ROGDI: variants seen among roughly 807,000 people sequenced by gnomAD.
The protein encoded by ROGDI is protein rogdi homolog.
A neutral mutation model predicts 43.1 loss-of-function variants in ROGDI; 46 were observed. The observed-to-expected ratio is 1.07, with a 90% CI of 0.84 to 1.37. The LOEUF (loss-of-function observed/expected upper bound fraction) is 1.37. Among genes scored for constraint, ROGDI ranks in the 40% most tolerant of loss-of-function variants. The pLI is 0.00. For missense variants in ROGDI, 518 were observed against 383.9 expected, an observed-to-expected ratio of 1.35 and a Z score of -2.92; for synonymous variants, 243 against 162.0, an observed-to-expected ratio of 1.50 and a Z score of -3.80.
Position 4,799,784 on chromosome 16 carries a change from G to A in ROGDI, c.337-3C>T, listed in dbSNP as rs760043159. 1.2e-6 allele frequency: 2 copies of A among 1,610,564 alleles called. No homozygotes were observed. Among genetic ancestry groups the A allele is most frequent in the Admixed American group, 3.3e-5 (2 of 59,898 alleles). ...ACATGGTTTCTGGCATCCTGGATCT[G>A]GAAGCAGGGGTCATCCAGAGGGGTC... On this transcript the variant is annotated splice_polypyrimidine_tract_variant and splice_region_variant and intron_variant, in intron 5 of 10. Coordinates refer to ENST00000322048, the MANE Select transcript of ROGDI (RefSeq NM_024589.3).
At chr16:4,798,036 G>A (rs1387755914) in intron 8 of ROGDI, 35 bp downstream of exon 8, 2 of 1,613,456 alleles carry the variant, frequency 1.2e-6, no homozygotes, top group African/African-American at 1.3e-5. Context: ...GCGTGTGCAT[G>A]GCGGGCAGTG....
intron 4 of ROGDI, chr16:4,800,905 G>A: frequency 2.0e-6 from 1 of 505,320 alleles, no homozygotes. Context: ...ATGGAGCCCA[G>A]GAGGGGGGCC....
chr16:4,799,953 C>A (rs972782688), intron 5 of ROGDI, among the ~76,000 whole-genome samples, 172 bp from the exon 6 acceptor site: 1 of 152,162 alleles, frequency 6.6e-6, no homozygotes, highest in African/African-American at 2.4e-5. Context: ...CTGGGGCAGG[C>A]CTGGTCTCTG....
At chr16:4,801,126 G>A (rs1294930817) in intron 4 of ROGDI, 141 bp downstream of exon 4, 2 of 645,560 alleles carry the variant, frequency 3.1e-6, no homozygotes, top group East Asian at 2.9e-5. Flanking sequence ...GAGGGTTGCT[G>A]TCATTTTCCA....
intron 2 of ROGDI, chr16:4,801,861 G>A (rs75558393): frequency 0.12 from 69,602 of 581,654 alleles, 5,077 homozygotes; most frequent in Admixed American, 0.19. Context: ...GCTTGGTTGA[G>A]GGGGAAAGGG....
At position 4,798,844 on chromosome 16, in the gene ROGDI, G is replaced by A. The variant is rs1281215247; in HGVS notation, c.433-177C>T. 3 of 606,758 alleles carry A rather than the reference G, an allele frequency of 4.9e-6. No homozygotes were observed. The Admixed American group carries it at 9.2e-5, about 19-fold the overall frequency. 37.6% of individuals were successfully genotyped at this position (606,758 alleles called of 1,614,324 possible). A position where few individuals can be genotyped will look rare whatever the true frequency, so the allele number is the denominator to read the frequency against. ...TTGGGCTCCAGCTGGGTATGGAGGA[G>A]GGCAGGATGTCTGCACTAATGTCAG... On this transcript the variant is annotated intron_variant, in intron 6 of 10. Coordinates refer to ENST00000322048, the MANE Select transcript of ROGDI (RefSeq NM_024589.3).
chr16:4,798,834 G>A (rs891630481), intron 6 of ROGDI, 167 bp from the exon 7 acceptor site: 4 of 620,484 alleles, frequency 6.4e-6, no homozygotes, highest in Non-Finnish European at 1.1e-5. Context: ...CTCCAGCTGG[G>A]TATGGAGGAG....
chr16:4,800,793 T>G, intron 4 of ROGDI: 1 of 572,702 alleles, frequency 1.7e-6, no homozygotes, highest in Non-Finnish European at 3.1e-6. Flanking sequence ...CACAAAGAAG[T>G]GAAATGGAAA....
intron 2 of ROGDI, 123 bp from the exon 3 acceptor site, chr16:4,801,708 C>T: frequency 1.2e-6 from 1 of 859,438 alleles, no homozygotes; most frequent in South Asian, 1.5e-5. Context: ...CTGGCCTCAC[C>T]TGGGTTCAGC....
At position 4,797,400 on chromosome 16, in the gene ROGDI, T is replaced by G. The variant is rs1344124109; in HGVS notation, c.*60A>C. 6.6e-7 allele frequency: 1 copy of G among 1,513,016 alleles called. No individual in the cohort carries two copies. Among genetic ancestry groups the G allele is most frequent in the Non-Finnish European group, 9.1e-7 (1 of 1,102,716 alleles). The allele number at this position is 1,513,016 out of a possible 1,614,324, so 93.7% of individuals were successfully genotyped here. A position where few individuals can be genotyped will look rare whatever the true frequency, so the allele number is the denominator to read the frequency against. On this transcript the variant is annotated 3_prime_UTR_variant, in exon 11 of 11. Coordinates refer to ENST00000322048, the MANE Select transcript of ROGDI (RefSeq NM_024589.3). ...GGCGTTGGCACTGGCTGGTGCTCTG[T>G]GGTGGGTATGAGTAGGGGACGGGGC...
At chr16:4,798,307 TCATCAATGGGGGCTTCC>T in intron 7 of ROGDI, 123 bp from the exon 8 acceptor site, 1 of 848,758 alleles carries the variant, frequency 1.2e-6, no homozygotes, top group Non-Finnish European at 1.9e-6. Flanking sequence ...GATGCTCTTC[TCATCAATGGGGGCTTCC>T]AGACTTTTCC....
Position 4,800,526 on chromosome 16 carries a change from C to T in ROGDI, c.308G>A (p.Arg103Gln), listed in dbSNP as rs552833661. The change falls in exon 5 of 11, where the codon CGG becomes CAG. Residue 103 changes from arginine to glutamine, a missense_variant. By Grantham distance (43) the Arg-to-Gln change is conservative. Coordinates refer to ENST00000322048, the MANE Select transcript of ROGDI (RefSeq NM_024589.3). Reference sequence around the variant, plus strand: ...CTGCAGCTTCCACTGCTTGTCCTCCCGGAAGGCGAAGTGCAGCAGCTGGTT... The same window carrying T: ...CTGCAGCTTCCACTGCTTGTCCTCCTGGAAGGCGAAGTGCAGCAGCTGGTT... ...RNNQLLHFAF[R>Q]EDKQWKLQQI... The T allele has an allele frequency of 1.2e-5, 18 of 1,561,774 alleles. No individual in the cohort carries two copies. The East Asian group carries it at 1.7e-4, about 14-fold the overall frequency.
intron 2 of ROGDI, 167 bp from the exon 3 acceptor site, chr16:4,801,752 C>A (rs2082725228): frequency 4.7e-6 from 3 of 634,690 alleles, no homozygotes; most frequent in South Asian, 3.7e-5. Context: ...GCCCCCAGGG[C>A]ACCTAACCGT....
chr16:4,797,406 GTA>G lies in ROGDI; in HGVS notation c.*52_*53del, dbSNP rs775622307. The G allele has an allele frequency of 6.4e-7, 1 of 1,550,752 alleles. No individual in the cohort carries two copies. Among genetic ancestry groups the G allele is most frequent in the Non-Finnish European group, 8.8e-7 (1 of 1,133,176 alleles). The stretch of plus-strand genomic sequence containing the variant: ...GGCACTGGCTGGTGCTCTGTGGTGG[GTA>G]TGAGTAGGGGACGGGGCCGCCTTCC... On this transcript the variant is annotated 3_prime_UTR_variant, in exon 11 of 11. Coordinates refer to ENST00000322048, the MANE Select transcript of ROGDI (RefSeq NM_024589.3).
In ROGDI at chr16:4,797,921, C is replaced by T. The variant is rs772053878; in HGVS notation, c.695+17G>A. ...ATGGGGTGGGCGTGCCTGGACCCCC[C>T]GCCCCTGCCTACTTACAACATGGCC... On this transcript the variant is annotated intron_variant, in intron 9 of 10. Coordinates refer to ENST00000322048, the MANE Select transcript of ROGDI (RefSeq NM_024589.3). 14 of 1,598,432 alleles carry T rather than the reference C, an allele frequency of 8.8e-6. No homozygotes were observed. The highest frequency in any genetic ancestry group is 5.4e-5 in the African/African-American group (4 of 74,656).
At chr16:4,801,343 C>A (rs1228806826) in intron 3 of ROGDI, 22 bp from the exon 4 acceptor site, 15 of 1,597,708 alleles carry the variant, frequency 9.4e-6, no homozygotes, top group Non-Finnish European at 1.3e-5. Flanking sequence ...GGCGTCAGAG[C>A]GGTGCCTGTG....
In ROGDI at chr16:4,800,550, T is replaced by C; in HGVS notation, c.284A>G (p.Asn95Ser). 3.8e-6 allele frequency: 6 copies of C among 1,567,992 alleles called. No individual in the cohort carries two copies. Among genetic ancestry groups the C allele is most frequent in the Non-Finnish European group, 5.2e-6 (6 of 1,155,714 alleles). The change falls in exon 5 of 11, where the codon AAC becomes AGC. Residue 95 changes from asparagine (N) to serine (S), a missense_variant. Physicochemically the swap from Asn to Ser is conservative, Grantham distance 46. Transcript: ENST00000322048. ...CCGGAAGGCGAAGTGCAGCAGCTGG[T>C]TGTTCCGGGGCATCTTCAGGTTCAC... ...ADVNLKMPRN[N>S]QLLHFAFRED...
rs984273424 is a variant in ROGDI, at chr16:4,797,044, T to G, written c.*416A>C. The G allele has an allele frequency of 4.6e-6, 1 of 217,480 alleles. No individual in the cohort carries two copies. The highest frequency in any genetic ancestry group is 2.3e-5 in the African/African-American group (1 of 43,880). The allele number at this position is 217,480 out of a possible 1,614,324, so 13.5% of individuals were successfully genotyped here. Reference sequence around the variant, plus strand: ...ACACAGTCACCAGCACTATACTCACTCCTAGGGTGGCTCTGTCTGTGGCGT... The same window carrying G: ...ACACAGTCACCAGCACTATACTCACGCCTAGGGTGGCTCTGTCTGTGGCGT... On this transcript the variant is annotated 3_prime_UTR_variant, in exon 11 of 11. Transcript: ENST00000322048.
chr16:4,798,124 T>C lies in ROGDI; in HGVS notation c.592A>G (p.Lys198Glu). Residue 198 changes from lysine (K) to glutamate (E), a missense_variant, in exon 8 of 11, where the codon AAG (lysine) becomes GAG (glutamate). Lys to Glu is a moderately conservative substitution (Grantham distance 56). Coordinates refer to ENST00000322048, the MANE Select transcript of ROGDI (RefSeq NM_024589.3). Reference sequence around the variant, plus strand: ...AGCTGGTACACCGTGAGGCAGAGCTTGTTGAGGTTGATGTAGACGTTGACC... The same window carrying C: ...AGCTGGTACACCGTGAGGCAGAGCTCGTTGAGGTTGATGTAGACGTTGACC... ...LLVNVYINLN[K>E]LCLTVYQLHA... The C allele has an allele frequency of 1.2e-6, 2 of 1,613,858 alleles. No individual in the cohort carries two copies. Among genetic ancestry groups the C allele is most frequent in the Non-Finnish European group, 1.7e-6 (2 of 1,179,908 alleles).
Sources: allele counts gnomAD v4.1 joint callset (sites outside exome capture counted in the v4.1 genomes callset), GRCh38; gene constraint gnomAD v4.1.1; transcripts MANE v1.5; gene names NCBI Gene and HGNC (gene_info 2026-07-23, HGNC 2026-07-21).